G2E3: variants seen among roughly 807,000 people sequenced by gnomAD.
G2E3 encodes G2/M-phase specific E3 ubiquitin protein ligase, also known as G2/M phase-specific E3 ubiquitin-protein ligase.
Under a neutral mutation model 92.8 loss-of-function variants are expected in G2E3, and 35 were observed. The ratio of observed to expected loss-of-function variants is 0.38; its 90% CI spans 0.29 to 0.50. G2E3 has a LOEUF of 0.50. Ranked by LOEUF, G2E3 falls within the 20% of genes least tolerant of loss-of-function variation. G2E3 has a pLI of 0.94. For synonymous variants in G2E3, 242 were observed against 272.4 expected (o/e 0.89, Z 1.10); for missense variants, 554 against 823.8 (o/e 0.67, Z 4.01).
intron 8 of G2E3, among the ~76,000 whole-genome samples, chr14:30,599,473 C>T (rs754318193): frequency 5.3e-5 from 8 of 152,076 alleles, no homozygotes; most frequent in Non-Finnish European, 8.8e-5. Context: ...GTGATCTGCC[C>T]GCCTCGGCCT....
intron 1 of G2E3, among the ~76,000 whole-genome samples, chr14:30,572,639 A>G (rs1346040331): frequency 6.6e-6 from 1 of 152,064 alleles, no homozygotes; most frequent in East Asian, 1.9e-4. Context: ...CCCTTATTGT[A>G]TTAACATGGT....
chr14:30,585,545 G>A (rs1355803513), intron 2 of G2E3, among the ~76,000 whole-genome samples: 2 of 148,480 alleles, frequency 1.3e-5, no homozygotes, highest in Non-Finnish European at 3.0e-5. Context: ...ACACTGTTTT[G>A]CTTACTGTAG....
rs1880886873 is a variant in G2E3, at chr14:30,589,395, G to A, written c.148G>A (p.Gly50Arg). The A allele has an allele frequency of 1.3e-6, 2 of 1,588,224 alleles. No homozygotes were observed. Among genetic ancestry groups the A allele is most frequent in the Non-Finnish European group, 1.7e-6 (2 of 1,157,562 alleles). Residue 50 changes from glycine (G) to arginine (R), a missense_variant, in exon 4 of 15, where the codon GGA becomes AGA. Physicochemically the swap from Gly to Arg is moderately radical, Grantham distance 125 (BLOSUM62 -2). Around this residue, in one of 3 missense-constraint regions of G2E3, gnomAD observed 137 missense variants for 201.3 expected, o/e 0.68. Coordinates refer to ENST00000206595, the MANE Select transcript of G2E3 (RefSeq NM_017769.5). ...AATATATTCATAGTTGATGTCAAGT[G>A]GAATTTGGCAGAGAGGCAAAGAAGA... ...VHYYCLLMSS[G>R]IWQRGKEEEG...
At chr14:30,584,166 A>G (rs1479834397) in intron 2 of G2E3, among the ~76,000 whole-genome samples, 1 of 152,190 alleles carries the variant, frequency 6.6e-6, no homozygotes, top group African/African-American at 2.4e-5. Context: ...ACTTAACATA[A>G]TATTTCTAGG....
rs528022699 is a variant in G2E3, at chr14:30,616,713, G to A, written c.*179G>A. On this transcript the variant is annotated 3_prime_UTR_variant, in exon 15 of 15. Coordinates refer to ENST00000206595, the MANE Select transcript of G2E3 (RefSeq NM_017769.5). ...CTTAGGCTAAAAAAAGGTTTTTTTT[G>A]TTAAAGCATACTAGTCAAAATTGGT... The A allele has an allele frequency of 1.0e-5, 5 of 485,392 alleles. No homozygotes were observed. Among genetic ancestry groups the A allele is most frequent in the Non-Finnish European group, 1.8e-5 (5 of 280,168 alleles). The allele number at this position is 485,392 out of a possible 1,614,324, so 30.1% of individuals were successfully genotyped here.
intron 4 of G2E3, among the ~76,000 whole-genome samples, chr14:30,591,508 A>G (rs1158963305): frequency 6.6e-6 from 1 of 152,158 alleles, no homozygotes; most frequent in African/African-American, 2.4e-5. Context: ...TCAAAGTGTC[A>G]AAAGGGTTCC....
intron 4 of G2E3, chr14:30,590,556 AATAAGCAGCTTT>A (rs1880948205): frequency 5.0e-6 from 2 of 398,404 alleles, no homozygotes; most frequent in African/African-American, 2.1e-5. Flanking sequence ...AGGATGGAAA[AATAAGCAGCTTT>A]ATTCAAGAAG....
At position 30,612,196 on chromosome 14, in the gene G2E3, C is replaced by T; in HGVS notation, c.1501-11C>T. On this transcript the variant is annotated splice_polypyrimidine_tract_variant and intron_variant, in intron 12 of 14. Coordinates refer to ENST00000206595, the MANE Select transcript of G2E3 (RefSeq NM_017769.5). Reference sequence around the variant, plus strand: ...ATGAGTAAAGTGGCTGTATTTTCTCCTTCATTACAGATAAATACTGCAACA... The same window carrying T: ...ATGAGTAAAGTGGCTGTATTTTCTCTTTCATTACAGATAAATACTGCAACA... The T allele has an allele frequency of 6.3e-7, 1 of 1,592,624 alleles. No homozygotes were observed. The highest frequency in any genetic ancestry group is 8.6e-7 in the Non-Finnish European group (1 of 1,164,418).
At chr14:30,572,013 G>A (rs1447009636) in intron 1 of G2E3, among the ~76,000 whole-genome samples, 3 of 149,970 alleles carry the variant, frequency 2.0e-5, no homozygotes, top group Admixed American at 6.7e-5. Context: ...ACAATATTAC[G>A]CCCATGAGCA....
At chr14:30,594,640 C>T (rs1376876467) in intron 6 of G2E3, among the ~76,000 whole-genome samples, 1 of 151,906 alleles carries the variant, frequency 6.6e-6, no homozygotes, top group Admixed American at 6.6e-5. Context: ...TTGCACTGAG[C>T]CAAGATGGCA....
In G2E3 at chr14:30,613,106, T is replaced by C. The variant is rs907607450; in HGVS notation, c.1673+727T>C. ...CCTGCTGTCCTTTAGTTTAGAACAC[T>C]GGTCTAAGTTAGACAACTTATGTAT... On this transcript the variant is annotated intron_variant, in intron 13 of 14. Transcript: ENST00000206595. Among the ~76,000 whole-genome samples, 46 of 152,302 alleles carry C rather than the reference T, an allele frequency of 3.0e-4. 1 individual carries two copies. Among genetic ancestry groups the C allele is most frequent in the African/African-American group, 1.1e-3 (46 of 41,566 alleles).
Position 30,616,607 on chromosome 14 carries a change from TTCA to T in G2E3, c.*80_*82del, listed in dbSNP as rs1882328115. ...AACTCTCTTTTATTTCACTAACCTT[TTCA>T]TCATCACTTTGAACAAACTAGTTAG... On this transcript the variant is annotated 3_prime_UTR_variant, in exon 15 of 15. Transcript: ENST00000206595. The T allele has an allele frequency of 2.7e-6, 3 of 1,100,322 alleles. No homozygotes were observed. Among genetic ancestry groups the T allele is most frequent in the Non-Finnish European group, 4.0e-6 (3 of 750,090 alleles). 68.2% of individuals were successfully genotyped at this position (1,100,322 alleles called of 1,614,324 possible). A position where few individuals can be genotyped will look rare whatever the true frequency, so the allele number is the denominator to read the frequency against.
intron 1 of G2E3, chr14:30,560,670 T>C (rs2138745738): frequency 1.6e-6 from 1 of 624,596 alleles, no homozygotes; most frequent in Admixed American, 2.9e-5. Flanking sequence ...TCTACCTGAA[T>C]TATTTTCATT....
At chr14:30,597,677 G>T (rs1881356753) in intron 7 of G2E3, 151 bp downstream of exon 7, 1 of 600,116 alleles carries the variant, frequency 1.7e-6, no homozygotes, top group Non-Finnish European at 3.0e-6. Flanking sequence ...CCCCCACATG[G>T]CCAGTTCTTG....
At chr14:30,575,199 G>A (rs1285855666) in intron 1 of G2E3, among the ~76,000 whole-genome samples, 1 of 151,922 alleles carries the variant, frequency 6.6e-6, no homozygotes, top group East Asian at 1.9e-4. Flanking sequence ...TTTTTCATAT[G>A]CCTGTTGGTC....
chr14:30,586,158 T>C (rs1378087079), intron 2 of G2E3, among the ~76,000 whole-genome samples: 1 of 152,118 alleles, frequency 6.6e-6, no homozygotes, highest in Non-Finnish European at 1.5e-5. Context: ...TCTGAGCTCA[T>C]CCCTCAGGGA....
intron 11 of G2E3, among the ~76,000 whole-genome samples, chr14:30,607,286 T>G (rs1881874340): frequency 6.6e-6 from 1 of 152,152 alleles, no homozygotes; most frequent in Non-Finnish European, 1.5e-5. Context: ...AGGGATATGT[T>G]CTGAGAAATG....
chr14:30,602,184 G>T (rs1881602928), intron 10 of G2E3, 53 bp downstream of exon 10: 3 of 1,358,158 alleles, frequency 2.2e-6, no homozygotes, highest in Non-Finnish European at 3.1e-6. Flanking sequence ...AGAAAATTAT[G>T]ATAGGAAATG....
Position 30,559,233 on chromosome 14 carries a change from G to C in G2E3, c.-44G>C, listed in dbSNP as rs1306275083. The stretch of plus-strand genomic sequence containing the variant: ...CCCGACGTACAGCGGGCCGGGAAAA[G>C]TGGCACTGAGGCTCTGGAACTTCTG... On this transcript the variant is annotated 5_prime_UTR_variant, in exon 1 of 15. Transcript: ENST00000206595. 1 of 152,666 alleles carries C rather than the reference G, an allele frequency of 6.6e-6. No individual in the cohort carries two copies. Among genetic ancestry groups the C allele is most frequent in the African/African-American group, 2.4e-5 (1 of 41,496 alleles). The allele number at this position is 152,666 out of a possible 1,614,324, so 9.5% of individuals were successfully genotyped here.
Sources: gnomAD v4.1 joint callset for allele counts (sites outside exome capture counted in the v4.1 genomes callset) on GRCh38, gnomAD v4.1.1 for gene constraint, gnomAD v4.1.1 regional missense constraint, MANE v1.5 for transcripts, NCBI Gene and HGNC (gene_info 2026-07-23, HGNC 2026-07-21) for gene names.